KATNAL2: variants seen among roughly 807,000 people sequenced by gnomAD.
The protein encoded by KATNAL2 is katanin p60 ATPase-containing subunit A-like 2.
Under a neutral mutation model 76.3 loss-of-function variants are expected in KATNAL2, and 52 were observed. The observed-to-expected ratio is 0.68, with a 90% CI of 0.55 to 0.86. The LOEUF (loss-of-function observed/expected upper bound fraction) is 0.86, where lower values mean the gene tolerates loss of function less well. KATNAL2 is among the 40% of genes least tolerant of loss of function. The pLI, the probability that KATNAL2 is intolerant of heterozygous loss-of-function variation, is 0.00. For missense variants in KATNAL2, 660 were observed against 668.9 expected (o/e 0.99, Z 0.15); for synonymous variants, 243 against 244.2 (o/e 1.00, Z 0.05).
intron 15 of KATNAL2, among the ~76,000 whole-genome samples, chr18:47,078,836 A>G (rs955042728): frequency 6.6e-6 from 1 of 152,230 alleles, no homozygotes; most frequent in African/African-American, 2.4e-5. Context: ...CAAAAAACGC[A>G]TAAAAATTGA....
chr18:47,058,210 C>T, intron 6 of KATNAL2, 25 bp from the exon 7 acceptor site: 1 of 1,453,498 alleles, frequency 6.9e-7, no homozygotes, highest in South Asian at 1.2e-5. Flanking sequence ...ATAATTTCTT[C>T]CAAGGTCTTT....
Position 47,035,288 on chromosome 18 carries a change from G to T in KATNAL2, c.52-11169G>T, listed in dbSNP as rs192207549. ...ATCTCACCAGAGCTGTGCAGGCGTCGCTGTCCCGGCGGTCGCAGCTCTGTC... is the reference window on the plus strand; with the variant it reads ...ATCTCACCAGAGCTGTGCAGGCGTCTCTGTCCCGGCGGTCGCAGCTCTGTC... On this transcript the variant is annotated intron_variant, in intron 3 of 17. Transcript: ENST00000683218. The T allele has an allele frequency of 3.7e-6, 6 of 1,611,916 alleles. No homozygotes were observed. In the Admixed American group the frequency reaches 8.3e-5, roughly 22 times the overall value.
chr18:47,063,216 A>C lies in KATNAL2; in HGVS notation c.649-68A>C. ...TCGTTTGTTTCACCAAGACCTGTGC[A>C]TGCCCGGGGTTTCTTCCTAAATTAT... On this transcript the variant is annotated intron_variant, in intron 9 of 17. Transcript: ENST00000683218. 2.0e-6 allele frequency: 3 copies of C among 1,523,714 alleles called. No homozygotes were observed. The East Asian group carries it at 6.8e-5, about 34-fold the overall frequency. The allele number at this position is 1,523,714 out of a possible 1,614,324, so 94.4% of individuals were successfully genotyped here.
intron 13 of KATNAL2, among the ~76,000 whole-genome samples, chr18:47,070,006 G>T (rs1314171423): frequency 6.6e-6 from 1 of 151,854 alleles, no homozygotes; most frequent in Non-Finnish European, 1.5e-5. Context: ...CTCTAAGAAA[G>T]AATCAAGAAA....
At chr18:47,096,327 ACT>A (rs1389320469) in intron 15 of KATNAL2, among the ~76,000 whole-genome samples, 5 of 152,080 alleles carry the variant, frequency 3.3e-5, no homozygotes, top group African/African-American at 7.2e-5. Flanking sequence ...TTTCATTGTT[ACT>A]CTTTTTTAAA....
chr18:47,080,448 G>T (rs775527958), intron 15 of KATNAL2, among the ~76,000 whole-genome samples: 1 of 152,128 alleles, frequency 6.6e-6, no homozygotes, highest in South Asian at 2.1e-4. Flanking sequence ...AAGAAACCCT[G>T]TACTCATTAG....
rs376088999 is a variant in KATNAL2, at chr18:46,918,995, GTA to G, written c.-510+1081_-510+1082del. 3.2e-3 allele frequency among the ~76,000 whole-genome samples: 477 copies of G among 147,520 alleles called. 2 individuals carry two copies. The highest frequency in any genetic ancestry group is 0.021 in the Middle Eastern group (6 of 292). ...TTATTTGATATATATGTGTGTGCGT[GTA>G]TATATATATATGTGTGTGTGTGTGT... On this transcript the variant is annotated intron_variant, in intron 1 of 17. Transcript: ENST00000683218.
intron 1 of KATNAL2, among the ~76,000 whole-genome samples, chr18:46,919,003 ATATATGTGTG>A (rs950864847): frequency 6.8e-6 from 1 of 146,062 alleles, no homozygotes; most frequent in African/African-American, 2.7e-5. Context: ...GTGTATATAT[ATATATGTGTG>A]TGTGTGTGTG....
intron 3 of KATNAL2, among the ~76,000 whole-genome samples, chr18:46,960,639 G>T (rs1268986297): frequency 6.6e-6 from 1 of 152,206 alleles, no homozygotes; most frequent in African/African-American, 2.4e-5. Context: ...AACATTTAGA[G>T]ACATTTGCAT....
chr18:46,929,591 A>G (rs553791820), intron 1 of KATNAL2, among the ~76,000 whole-genome samples: 3 of 152,042 alleles, frequency 2.0e-5, no homozygotes, highest in South Asian at 2.1e-4. Context: ...GTATGAATAG[A>G]CCCCAACTTA....
At chr18:47,079,643 T>C (rs2062413797) in intron 15 of KATNAL2, among the ~76,000 whole-genome samples, 1 of 152,080 alleles carries the variant, frequency 6.6e-6, no homozygotes, top group Non-Finnish European at 1.5e-5. Flanking sequence ...GTGATCCGCC[T>C]GCCTCAGCCT....
At chr18:47,046,677 T>A in intron 4 of KATNAL2, 150 bp downstream of exon 4, 1 of 640,992 alleles carries the variant, frequency 1.6e-6, no homozygotes, top group East Asian at 2.7e-5. Context: ...GAGTTCTGTA[T>A]GCCCCTTCCC....
At chr18:47,092,481 AGAGT>A (rs1177069298) in intron 15 of KATNAL2, among the ~76,000 whole-genome samples, 3 of 152,302 alleles carry the variant, frequency 2.0e-5, no homozygotes, top group South Asian at 2.1e-4. Context: ...GCTGGGTGAC[AGAGT>A]GAGTGAGACT....
intron 3 of KATNAL2, chr18:47,034,015 G>T: frequency 6.2e-7 from 1 of 1,614,124 alleles, no homozygotes; most frequent in Non-Finnish European, 8.5e-7. Flanking sequence ...AGTGCCCTTG[G>T]ATTCGTTTGC....
intron 3 of KATNAL2, among the ~76,000 whole-genome samples, chr18:47,039,212 C>G (rs1281757501): frequency 1.3e-5 from 2 of 152,166 alleles, no homozygotes; most frequent in African/African-American, 4.8e-5. Context: ...GCCCCTCTCC[C>G]ACATTTTGCA....
At chr18:47,073,098 G>T (rs1003981164) in intron 13 of KATNAL2, among the ~76,000 whole-genome samples, 1 of 152,072 alleles carries the variant, frequency 6.6e-6, no homozygotes, top group Non-Finnish European at 1.5e-5. Flanking sequence ...TGCCAACAGG[G>T]TTGTACTCGC....
intron 1 of KATNAL2, among the ~76,000 whole-genome samples, chr18:46,945,200 T>C (rs1468928169): frequency 6.6e-6 from 1 of 152,240 alleles, no homozygotes; most frequent in Non-Finnish European, 1.5e-5. Context: ...TGTTCATTCA[T>C]ATCAAAGAAT....
Position 47,101,149 on chromosome 18 carries a change from T to G in KATNAL2, c.*144T>G. On this transcript the variant is annotated 3_prime_UTR_variant, in exon 18 of 18. Coordinates refer to ENST00000683218, the MANE Select transcript of KATNAL2 (RefSeq NM_001387690.1). ...ATTAACTTGAGCCACTGTATTGTTT[T>G]GGATAGCTGAGATATATTTATTAAC... is the stretch of plus-strand genomic sequence containing the variant. 1.1e-6 allele frequency: 1 copy of G among 877,252 alleles called. No homozygotes were observed. Among genetic ancestry groups the G allele is most frequent in the Non-Finnish European group, 1.7e-6 (1 of 584,516 alleles). 54.3% of individuals were successfully genotyped at this position (877,252 alleles called of 1,614,324 possible).
chr18:47,053,439 G>T (rs533494349), intron 5 of KATNAL2, among the ~76,000 whole-genome samples: 2 of 152,132 alleles, frequency 1.3e-5, no homozygotes, highest in Non-Finnish European at 2.9e-5. Context: ...ACAAAAATGA[G>T]TATTGGGGAA....
Sources: allele counts gnomAD v4.1 joint callset (sites outside exome capture counted in the v4.1 genomes callset), GRCh38; gene constraint gnomAD v4.1.1; transcripts MANE v1.5; gene names NCBI Gene and HGNC (gene_info 2026-07-23, HGNC 2026-07-21).